The following FAM161B variants were observed in gnomAD, a reference collection of about 807,000 sequenced individuals.
FAM161B encodes protein FAM161B.
In FAM161B, 46 loss-of-function variants were observed where a neutral mutation model predicts 61.5. The observed-to-expected ratio is 0.75, with a 90% CI of 0.59 to 0.96. FAM161B has a LOEUF of 0.96. Ranked by LOEUF, FAM161B falls within the 40% of genes least tolerant of loss-of-function variation. The pLI is 0.00. For missense variants in FAM161B, 774 were observed against 800.7 expected (o/e 0.97, Z 0.40); for synonymous variants, 284 against 302.7 (o/e 0.94, Z 0.64).
At chr14:73,937,362 T>C (rs1449318308) in intron 7 of FAM161B, among the ~76,000 whole-genome samples, 2 of 152,142 alleles carry the variant, frequency 1.3e-5, no homozygotes, top group Non-Finnish European at 2.9e-5. Flanking sequence ...TAGACTACAG[T>C]GAAAGCTCTA....
chr14:73,931,718 T>C (rs1202587465), downstream of FAM161B: 2 of 625,970 alleles, frequency 3.2e-6, no homozygotes, highest in East Asian at 6.0e-5. Flanking sequence ...GCTTCTTTTC[T>C]AACTACCATC....
intron 3 of FAM161B, among the ~76,000 whole-genome samples, chr14:73,943,943 A>G (rs2056040787): frequency 1.3e-5 from 2 of 152,074 alleles, no homozygotes; most frequent in Non-Finnish European, 1.5e-5. Context: ...TCGGCGATTG[A>G]CACTACCTCA....
At chr14:73,938,198 C>T in intron 5 of FAM161B, 86 bp from the exon 6 acceptor site, 3 of 1,502,046 alleles carry the variant, frequency 2.0e-6, no homozygotes, top group Non-Finnish European at 2.7e-6. Context: ...GTGGCTCACA[C>T]TTGTAGTCCT....
chr14:73,949,888 C>T, intron 1 of FAM161B, 85 bp downstream of exon 1: 1 of 1,562,706 alleles, frequency 6.4e-7, no homozygotes, highest in Non-Finnish European at 8.7e-7. Flanking sequence ...CCGTGACACG[C>T]CCCTGCTGTC....
In FAM161B at chr14:73,944,838, T is replaced by C. The variant is rs1442097276; in HGVS notation, c.422A>G (p.Asn141Ser). ...TGGCTGGGTCTGAGGCCTGGGAATG[T>C]TGGAGGGAAGGTTGTTCAGGGAGCT... is the stretch of plus-strand genomic sequence containing the variant. ...RCSSLNNLPS[N>S]IPRPQTQPPS... is the part of the protein sequence containing the mutation. The change falls in exon 3 of 9, where the codon AAC becomes AGC. Residue 141 changes from asparagine (N) to serine (S), a missense_variant. By Grantham distance (46) the Asn-to-Ser change is conservative (BLOSUM62 1). Coordinates refer to ENST00000286544, the MANE Select transcript of FAM161B (RefSeq NM_152445.3). The C allele has an allele frequency of 1.3e-6, 2 of 1,535,130 alleles. No individual in the cohort carries two copies. Among genetic ancestry groups the C allele is most frequent in the East Asian group, 2.3e-5 (1 of 44,182 alleles).
downstream of FAM161B, chr14:73,932,032 T>TA (rs752937349): frequency 1.8e-5 from 8 of 456,330 alleles, no homozygotes; most frequent in Non-Finnish European, 3.1e-5. Flanking sequence ...CATTCTCCCT[T>TA]TAGCAACCTG....
chr14:73,933,995 T>C lies in FAM161B; in HGVS notation c.*261A>G, dbSNP rs2055949175. On this transcript the variant is annotated 3_prime_UTR_variant, in exon 9 of 9. Transcript: ENST00000286544. ...TGTCATCACGCCCAGCTAATTTTTG[T>C]ATTTTTAGTAGAGGTGGAGTTTTGC... is the stretch of plus-strand genomic sequence containing the variant. 3.1e-6 allele frequency: 1 copy of C among 323,302 alleles called. No individual in the cohort carries two copies. Among genetic ancestry groups the C allele is most frequent in the Admixed American group, 4.8e-5 (1 of 20,974 alleles). The allele number at this position is 323,302 out of a possible 1,614,324, so 20.0% of individuals were successfully genotyped here.
downstream of FAM161B, chr14:73,927,156 G>A (rs2055846303): frequency 1.3e-5 from 3 of 236,578 alleles, no homozygotes; most frequent in Admixed American, 4.6e-5. Context: ...CACCATCTCG[G>A]CTCACTGCAA....
chr14:73,942,129 T>G (rs1338584040), intron 4 of FAM161B, among the ~76,000 whole-genome samples: 1 of 152,122 alleles, frequency 6.6e-6, no homozygotes, highest in African/African-American at 2.4e-5. Flanking sequence ...TGGCTGGAAC[T>G]ACAGGTACAC....
rs1017183259 is a variant in FAM161B, at chr14:73,933,127, A to C, written c.*1129T>G. 3.9e-5 allele frequency: 6 copies of C among 152,324 alleles called. No individual in the cohort carries two copies. The highest frequency in any genetic ancestry group is 1.3e-4 in the Admixed American group (2 of 15,276). The allele number at this position is 152,324 out of a possible 1,614,324, so 9.4% of individuals were successfully genotyped here. ...AATGACATGCATAATCACATAGTAC[A>C]TAGACTGTGTTCATGGCAATTACTT... is the stretch of plus-strand genomic sequence containing the variant. On this transcript the variant is annotated 3_prime_UTR_variant, in exon 9 of 9. Coordinates refer to ENST00000286544, the MANE Select transcript of FAM161B (RefSeq NM_152445.3).
rs1036288398 is a variant in FAM161B, at chr14:73,949,346, A to C, written c.54+627T>G. Among the ~76,000 whole-genome samples, 13 of 151,620 alleles carry C rather than the reference A, an allele frequency of 8.6e-5. No individual in the cohort carries two copies. The East Asian group carries it at 9.7e-4, about 11-fold the overall frequency. On this transcript the variant is annotated intron_variant, in intron 1 of 8. Transcript: ENST00000286544. Reference sequence around the variant, plus strand: ...TCTTGAACTCCTGACCTCAGGTCCCAAAGTGCTGCATTACAGGAGTAAGCC... The same window carrying C: ...TCTTGAACTCCTGACCTCAGGTCCCCAAGTGCTGCATTACAGGAGTAAGCC...
At chr14:73,925,488 T>G in the FAM161B span, among the ~76,000 whole-genome samples, 1 of 151,514 alleles carries the variant, frequency 6.6e-6, no homozygotes, top group Non-Finnish European at 1.5e-5. Context: ...AGTGCAGTGG[T>G]GCGATCTCAG....
At chr14:73,934,957 G>C (rs1280347177) in intron 8 of FAM161B, among the ~76,000 whole-genome samples, 2 of 151,904 alleles carry the variant, frequency 1.3e-5, no homozygotes, top group Non-Finnish European at 1.5e-5. Flanking sequence ...TGAAGCAGGA[G>C]AATCGCTTGA....
At chr14:73,923,403 G>C in the FAM161B span, 1 of 1,613,226 alleles carries the variant, frequency 6.2e-7, no homozygotes, top group Non-Finnish European at 8.5e-7. Flanking sequence ...AGAGGTGCTT[G>C]CTGAAGGATC....
At chr14:73,923,028 T>C in the FAM161B span, among the ~76,000 whole-genome samples, 1 of 152,182 alleles carries the variant, frequency 6.6e-6, no homozygotes, top group African/African-American at 2.4e-5. Context: ...TTTTTGTTAC[T>C]CATATCATAT....
chr14:73,927,932 G>T (rs751705390), downstream of FAM161B: 7 of 167,510 alleles, frequency 4.2e-5, no homozygotes, highest in African/African-American at 7.2e-5. Flanking sequence ...CTACCTCCTG[G>T]GTTCAAGCAA....
At position 73,942,668 on chromosome 14, in the gene FAM161B, T is replaced by A. The variant is rs1277874626; in HGVS notation, c.973A>T (p.Met325Leu). 1 of 1,614,080 alleles carries A rather than the reference T, an allele frequency of 6.2e-7. No individual in the cohort carries two copies. The highest frequency in any genetic ancestry group is 8.5e-7 in the Non-Finnish European group (1 of 1,179,968). Reference sequence around the variant, plus strand: ...ATAGGGGAAGAGGCCATCTGGAGCATGTCCAGGGCTCTCATTTGGATGCGA... The same window carrying A: ...ATAGGGGAAGAGGCCATCTGGAGCAAGTCCAGGGCTCTCATTTGGATGCGA... ...KIRIQMRALD[M>L]LQMASSPIAS... The change falls in exon 4 of 9, where the codon ATG (methionine) becomes TTG (leucine). Residue 325 changes from methionine to leucine, a missense_variant. Coordinates refer to ENST00000286544, the MANE Select transcript of FAM161B (RefSeq NM_152445.3).
At position 73,934,351 on chromosome 14, in the gene FAM161B, C is replaced by T; in HGVS notation, c.1849G>A (p.Gly617Ser). Reference protein sequence around the residue: ...TKLSIRDPEQGLEGSLEQPAS... With the variant: ...TKLSIRDPEQSLEGSLEQPAS... The stretch of plus-strand genomic sequence containing the variant: ...GGCTGTTCTAGAGATCCTTCTAAAC[C>T]CTGCTCTGGATCTCTGATGCTGAGT... The change falls in exon 9 of 9, where the codon GGT becomes AGT. Residue 617 changes from glycine to serine, a missense_variant. Transcript: ENST00000286544. 1 of 1,613,962 alleles carries T rather than the reference C, an allele frequency of 6.2e-7. No individual in the cohort carries two copies. Among genetic ancestry groups the T allele is most frequent in the Non-Finnish European group, 8.5e-7 (1 of 1,179,972 alleles).
At position 73,932,819 on chromosome 14, in the gene FAM161B, G is replaced by C; in HGVS notation, c.*1437C>G. ...TTTGTGGTTTTTTTGGTAGAAATGA[G>C]GTCTGTGTTGCCCAGGCTGGTCTTG... On this transcript the variant is annotated 3_prime_UTR_variant, in exon 9 of 9. Transcript: ENST00000286544. The C allele has an allele frequency of 4.8e-6, 1 of 208,432 alleles. No homozygotes were observed. Among genetic ancestry groups the C allele is most frequent in the South Asian group, 7.5e-5 (1 of 13,248 alleles). 12.9% of individuals were successfully genotyped at this position (208,432 alleles called of 1,614,324 possible).
Sources: allele counts gnomAD v4.1 joint callset (sites outside exome capture counted in the v4.1 genomes callset), GRCh38; gene constraint gnomAD v4.1.1; transcripts MANE v1.5; gene names NCBI Gene and HGNC (gene_info 2026-07-23, HGNC 2026-07-21).